HGF: variants seen among roughly 807,000 people sequenced by gnomAD.
HGF encodes the protein fibroblast-derived tumor cytotoxic factor.
A neutral mutation model predicts 111.6 loss-of-function variants in HGF; 39 were observed. The ratio of observed to expected loss-of-function variants is 0.35; its 90% confidence interval spans 0.27 to 0.46. The LOEUF is 0.46. HGF is among the 20% of genes least tolerant of loss of function. The probability of loss-of-function intolerance (pLI) is 1.00; values close to 1 mark genes in which losing one functional copy is unlikely to be tolerated. For synonymous variants in HGF, 285 were observed against 294.8 expected (o/e 0.97, Z 0.34); for missense variants, 735 against 910.5 (o/e 0.81, Z 2.48).
In HGF at chr7:81,699,959, C is replaced by G. The variant is rs1789241087; in HGVS notation, c.*2622G>C. On this transcript the variant is annotated 3_prime_UTR_variant, in exon 18 of 18. Transcript: ENST00000222390. ...TTTACAATAAAATTAAAGAAGTATA[C>G]AAAAGGATTATCATTCCTTCTGCAC... The G allele has an allele frequency of 6.6e-6, 1 of 151,640 alleles. No individual in the cohort carries two copies. The highest frequency in any genetic ancestry group is 6.6e-5 in the Admixed American group (1 of 15,168). The allele number at this position is 151,640 out of a possible 1,614,324, so 9.4% of individuals were successfully genotyped here.
chr7:81,752,729 G>C (rs1316077881), intron 4 of HGF, among the ~76,000 whole-genome samples: 2 of 151,950 alleles, frequency 1.3e-5, no homozygotes, highest in African/African-American at 4.8e-5. Context: ...CTGCACAATT[G>C]AGAAACAGAT....
intron 13 of HGF, among the ~76,000 whole-genome samples, chr7:81,709,359 T>TA (rs1789512195): frequency 6.6e-6 from 1 of 152,304 alleles, no homozygotes; most frequent in Admixed American, 6.5e-5. Flanking sequence ...TGTTGCATGG[T>TA]AAGGTTCTGA....
At chr7:81,751,995 G>T in intron 5 of HGF, 125 bp downstream of exon 5, 1 of 1,492,326 alleles carries the variant, frequency 6.7e-7, no homozygotes, top group Non-Finnish European at 8.9e-7. Flanking sequence ...ATAATTATTT[G>T]TAGTTGCATT....
intron 13 of HGF, among the ~76,000 whole-genome samples, chr7:81,709,467 CTT>C (rs1486637324): frequency 2.0e-5 from 3 of 152,080 alleles, no homozygotes; most frequent in Non-Finnish European, 4.4e-5. Flanking sequence ...TTTAAGTTAA[CTT>C]ATATTTTCAG....
At chr7:81,754,331 T>C (rs1317784791) in intron 4 of HGF, among the ~76,000 whole-genome samples, 1 of 151,918 alleles carries the variant, frequency 6.6e-6, no homozygotes, top group Non-Finnish European at 1.5e-5. Context: ...AAATACTCAA[T>C]ATTTATAGTT....
At chr7:81,755,126 C>A (rs1788695798) in intron 4 of HGF, 1 of 151,950 alleles carries the variant, frequency 6.6e-6, no homozygotes, top group Admixed American at 6.6e-5. Context: ...TGCTGGGTGG[C>A]CAATGAAGGA....
intron 11 of HGF, among the ~76,000 whole-genome samples, chr7:81,714,564 G>A (rs965679201): frequency 2.0e-5 from 3 of 151,940 alleles, no homozygotes; most frequent in Admixed American, 6.6e-5. Context: ...TAACCACTAC[G>A]CTCTTGGTAG....
chr7:81,733,381 T>G (rs1787727351), intron 7 of HGF, among the ~76,000 whole-genome samples: 1 of 152,068 alleles, frequency 6.6e-6, no homozygotes, highest in African/African-American at 2.4e-5. Context: ...AATAATAACA[T>G]TATTATTTTT....
chr7:81,767,963 C>T (rs745996346), intron 1 of HGF, among the ~76,000 whole-genome samples: 12 of 152,014 alleles, frequency 7.9e-5, no homozygotes, highest in Non-Finnish European at 1.0e-4. Flanking sequence ...TAAACAAAGG[C>T]GCACCCTCCT....
intron 3 of HGF, among the ~76,000 whole-genome samples, chr7:81,758,294 G>C (rs564481333): frequency 7.9e-5 from 12 of 151,678 alleles, no homozygotes; most frequent in Admixed American, 2.0e-4. Context: ...CTATAATTTA[G>C]TTATCCAACA....
In HGF at chr7:81,700,384, G is replaced by A. The variant is rs1789249858; in HGVS notation, c.*2197C>T. ...GTACGGTTTGTTTGATGATTTATTGGTGGTATTGTTTTTAGCCTTTAATAA... is the reference window on the plus strand; with the variant it reads ...GTACGGTTTGTTTGATGATTTATTGATGGTATTGTTTTTAGCCTTTAATAA... On this transcript the variant is annotated 3_prime_UTR_variant, in exon 18 of 18. Transcript: ENST00000222390. 6.6e-6 allele frequency: 1 copy of A among 151,522 alleles called. No individual in the cohort carries two copies. The highest frequency in any genetic ancestry group is 1.5e-5 in the Non-Finnish European group (1 of 67,666). The allele number at this position is 151,522 out of a possible 1,614,324, so 9.4% of individuals were successfully genotyped here.
At chr7:81,715,529 C>T (rs908251728) in intron 11 of HGF, among the ~76,000 whole-genome samples, 4 of 151,922 alleles carry the variant, frequency 2.6e-5, no homozygotes, top group African/African-American at 9.6e-5. Context: ...TTAGAAATGC[C>T]ATTTATTTGC....
chr7:81,735,541 G>C (rs578121870), intron 7 of HGF, among the ~76,000 whole-genome samples: 1 of 152,064 alleles, frequency 6.6e-6, no homozygotes, highest in South Asian at 2.1e-4. Flanking sequence ...AAATTATTTT[G>C]TAATTGTATA....
chr7:81,706,122 C>T (rs5745753), intron 15 of HGF, among the ~76,000 whole-genome samples, 165 bp downstream of exon 15: 4 of 151,888 alleles, frequency 2.6e-5, no homozygotes, highest in African/African-American at 9.7e-5. Context: ...TCTCTCTATA[C>T]TCACAGAGAG....
rs1468070901 is a variant in HGF, at chr7:81,729,882, T to C, written c.866-103A>G. The C allele has an allele frequency of 6.4e-5, 62 of 970,964 alleles. No individual in the cohort carries two copies. The East Asian group carries it at 1.3e-3, about 21-fold the overall frequency. 60.1% of individuals were successfully genotyped at this position (970,964 alleles called of 1,614,324 possible). On this transcript the variant is annotated intron_variant, in intron 7 of 17. Coordinates refer to ENST00000222390, the MANE Select transcript of HGF (RefSeq NM_000601.6). The stretch of plus-strand genomic sequence containing the variant: ...GCATTTGTATTAGCAGATTTTTTTT[T>C]CTGTTACTTATAAGCTTTTATAATA...
At chr7:81,703,827 G>C (rs748031008) in intron 17 of HGF, among the ~76,000 whole-genome samples, 2 of 151,554 alleles carry the variant, frequency 1.3e-5, no homozygotes, top group African/African-American at 4.8e-5. Flanking sequence ...ATTCTGTGAT[G>C]GGGAAAACCA....
At chr7:81,731,349 T>A (rs1787648625) in intron 7 of HGF, among the ~76,000 whole-genome samples, 1 of 152,124 alleles carries the variant, frequency 6.6e-6, no homozygotes, top group African/African-American at 2.4e-5. Context: ...ATATCCAAAC[T>A]TAAAAAGAAA....
At chr7:81,722,843 AG>A (rs1789903839) in intron 9 of HGF, among the ~76,000 whole-genome samples, 1 of 148,406 alleles carries the variant, frequency 6.7e-6, no homozygotes. Context: ...AAATTTAAAA[AG>A]GTATATATAT....
At chr7:81,769,843 AAATACT>A (rs974997996) in intron 1 of HGF, 35 bp downstream of exon 1, 1 of 1,421,046 alleles carries the variant, frequency 7.0e-7, no homozygotes, top group African/African-American at 1.4e-5. Context: ...CAGGAGAGTT[AAATACT>A]AATACTAATA....
Sources: gnomAD v4.1 joint callset for allele counts (sites outside exome capture counted in the v4.1 genomes callset) on GRCh38, gnomAD v4.1.1 for gene constraint, MANE v1.5 for transcripts, NCBI Gene and HGNC (gene_info 2026-07-23, HGNC 2026-07-21) for gene names.